The following DKKL1 variants were observed in gnomAD, a reference collection of about 807,000 sequenced individuals.
DKKL1 encodes dickkopf-like protein 1.
In DKKL1, 11 loss-of-function variants were observed where a neutral mutation model predicts 16.5. That is an observed-to-expected ratio of 0.67 (90% CI 0.42 to 1.10). DKKL1 has a LOEUF of 1.10. DKKL1 is among the 50% of genes least tolerant of loss of function. The probability of loss-of-function intolerance (pLI) is 0.00; values close to 1 mark genes in which losing one functional copy is unlikely to be tolerated. For synonymous variants in DKKL1, 119 were observed against 133.2 expected, an observed-to-expected ratio of 0.89 and a Z score of 0.73; for missense variants, 320 against 308.1, an observed-to-expected ratio of 1.04 and a Z score of -0.29.
intron 4 of DKKL1, among the ~76,000 whole-genome samples, chr19:49,374,145 C>T (rs897688498): frequency 1.1e-4 from 16 of 152,004 alleles, no homozygotes; most frequent in Non-Finnish European, 2.1e-4. Context: ...CAACCATGCC[C>T]GGCTAAATTT....
chr19:49,360,752 GGGAGGGGGA>G (rs1972798305), upstream of DKKL1, among the ~76,000 whole-genome samples: 1 of 85,236 alleles, frequency 1.2e-5, no homozygotes, highest in Non-Finnish European at 2.7e-5. Context: ...GACCCAGAGA[GGGAGGGGGA>G]CAGAGACCCA....
At chr19:49,369,598 C>T (rs575454780) in intron 4 of DKKL1, 14 of 152,284 alleles carry the variant, frequency 9.2e-5, no homozygotes, top group African/African-American at 3.1e-4. Context: ...GCCTGTGGCA[C>T]CATGGCTTGC....
At chr19:49,362,742 C>T (rs1973043751), upstream of DKKL1, among the ~76,000 whole-genome samples, 1 of 149,868 alleles carries the variant, frequency 6.7e-6, no homozygotes, top group South Asian at 2.1e-4. Context: ...GGAGAGGAAG[C>T]GGCTGGAGAG....
Position 49,364,525 on chromosome 19 carries a change from C to T in DKKL1, c.11-57C>T, listed in dbSNP as rs562607286. 8.1e-6 allele frequency: 12 copies of T among 1,486,698 alleles called. 1 individual carries two copies. Among genetic ancestry groups the T allele is most frequent in the South Asian group, 2.6e-5 (2 of 77,328 alleles). 92.1% of individuals were successfully genotyped at this position (1,486,698 alleles called of 1,614,324 possible). On this transcript the variant is annotated intron_variant, in intron 1 of 4. Coordinates refer to ENST00000221498, the MANE Select transcript of DKKL1 (RefSeq NM_014419.4). Reference sequence around the variant, plus strand: ...ACCTGGGCAAGGTGCTGGAGAGGGGCGTCTTGGGTGGGGGCGTGGCCACTG... The same window carrying T: ...ACCTGGGCAAGGTGCTGGAGAGGGGTGTCTTGGGTGGGGGCGTGGCCACTG...
rs1382519403 is a variant in DKKL1 at position 49,365,587 on chromosome 19, G to A, written c.262G>A (p.Glu88Lys). Residue 88 changes from glutamate (E) to lysine (K), a missense_variant, in exon 3 of 5, where the codon GAG (glutamate) becomes AAG (lysine). Glu to Lys is a moderately conservative substitution (Grantham distance 56). Coordinates refer to ENST00000221498, the MANE Select transcript of DKKL1 (RefSeq NM_014419.4). The stretch of plus-strand genomic sequence containing the variant: ...GGGCCTCCCTGGGAACTACCACAAA[G>A]AGGAGAACCAGGAGCACCAGCTGGG... ...FRGLPGNYHK[E>K]ENQEHQLGNN... 1.9e-6 allele frequency: 3 copies of A among 1,614,020 alleles called. No homozygotes were observed. The Admixed American group carries it at 5.0e-5, about 27-fold the overall frequency.
At chr19:49,363,605 C>G, upstream of DKKL1, 1 of 336,840 alleles carries the variant, frequency 3.0e-6, no homozygotes, top group South Asian at 2.4e-5. Context: ...GGGCCGCAAT[C>G]AGAGAACACC....
chr19:49,365,601 G>T lies in DKKL1; in HGVS notation c.276G>T (p.Glu92Asp), dbSNP rs772888564. 11 of 1,613,912 alleles carry T rather than the reference G, an allele frequency of 6.8e-6. No individual in the cohort carries two copies. The East Asian group carries it at 2.0e-4, about 29-fold the overall frequency. The part of the protein sequence containing the change: ...PGNYHKEENQ[E>D]HQLGNNTLSS... ...ACTACCACAAAGAGGAGAACCAGGA[G>T]CACCAGCTGGGGAACAACACCCTCT... Residue 92 changes from glutamate (E) to aspartate (D), a missense_variant, in exon 3 of 5, where the codon GAG (glutamate) becomes GAT (aspartate). Physicochemically the swap from Glu to Asp is conservative, Grantham distance 45. Transcript: ENST00000221498.
At chr19:49,368,655 TA>T (rs1428436132) in intron 4 of DKKL1, 1 of 152,172 alleles carries the variant, frequency 6.6e-6, no homozygotes, top group Non-Finnish European at 1.5e-5. Flanking sequence ...TTGTGGAAAG[TA>T]AAAAAGTTTC....
chr19:49,372,083 T>G (rs955590896), intron 4 of DKKL1, among the ~76,000 whole-genome samples: 3 of 152,198 alleles, frequency 2.0e-5, no homozygotes, highest in Non-Finnish European at 4.4e-5. Flanking sequence ...TAAACATGCA[T>G]GTGCCTGTGT....
chr19:49,365,573 G>C lies in DKKL1; in HGVS notation c.248G>C (p.Gly83Ala). The part of the protein sequence containing the change: ...SAPMDFRGLP[G>A]NYHKEENQEH... ...CCCATGGACTTCCGGGGCCTCCCTG[G>C]GAACTACCACAAAGAGGAGAACCAG... The change falls in exon 3 of 5, where the codon GGG becomes GCG. Residue 83 changes from glycine (G) to alanine (A), a missense_variant. Physicochemically the swap from Gly to Ala is moderately conservative, Grantham distance 60 (BLOSUM62 0). Coordinates refer to ENST00000221498, the MANE Select transcript of DKKL1 (RefSeq NM_014419.4). 2 of 1,613,882 alleles carry C rather than the reference G, an allele frequency of 1.2e-6. No individual in the cohort carries two copies. Among genetic ancestry groups the C allele is most frequent in the Non-Finnish European group, 8.5e-7 (1 of 1,179,924 alleles).
upstream of DKKL1, among the ~76,000 whole-genome samples, chr19:49,362,909 T>C (rs1318876379): frequency 6.7e-6 from 1 of 148,656 alleles, no homozygotes; most frequent in African/African-American, 2.5e-5. Context: ...GTTTGGTTTT[T>C]GGTTTTTTTG....
chr19:49,366,897 G>A lies in DKKL1; in HGVS notation c.417+1012G>A, dbSNP rs535365165. Among the ~76,000 whole-genome samples the A allele has an allele frequency of 5.3e-5, 8 of 151,932 alleles. No individual in the cohort carries two copies. In the South Asian group the frequency reaches 8.4e-4, roughly 16 times the overall value. ...TAATTTTTCTATTTTTAGTAGAGAC[G>A]GGGTTTCGCCATGTTTCCCAGGCTG... On this transcript the variant is annotated intron_variant, in intron 4 of 4. Coordinates refer to ENST00000221498, the MANE Select transcript of DKKL1 (RefSeq NM_014419.4).
At chr19:49,368,352 T>C (rs1416288027) in intron 4 of DKKL1, among the ~76,000 whole-genome samples, 4 of 148,200 alleles carry the variant, frequency 2.7e-5, no homozygotes, top group Non-Finnish European at 5.9e-5. Context: ...CCAGGTGTGG[T>C]GGTGTGTGCT....
chr19:49,372,182 G>C (rs2146796993), intron 4 of DKKL1, among the ~76,000 whole-genome samples: 1 of 152,300 alleles, frequency 6.6e-6, no homozygotes, highest in East Asian at 1.9e-4. Flanking sequence ...TCATTGGCAT[G>C]TGGGGCTGGA....
Position 49,369,168 on chromosome 19 carries a change from G to A in DKKL1, c.417+3283G>A, listed in dbSNP as rs182477560. On this transcript the variant is annotated intron_variant, in intron 4 of 4. Coordinates refer to ENST00000221498, the MANE Select transcript of DKKL1 (RefSeq NM_014419.4). ...CACCCTTTCTACAGAAAGTAAAATT[G>A]CCTTGCTGAGAAAACTTTTTGTCTG... 6 of 152,128 alleles carry A rather than the reference G, an allele frequency of 3.9e-5. No individual in the cohort carries two copies. The East Asian group carries it at 1.2e-3, about 29-fold the overall frequency. The allele number at this position is 152,128 out of a possible 1,614,324, so 9.4% of individuals were successfully genotyped here.
chr19:49,373,251 C>T (rs1392607315), intron 4 of DKKL1, among the ~76,000 whole-genome samples: 6 of 147,348 alleles, frequency 4.1e-5, no homozygotes, highest in South Asian at 2.2e-4. Context: ...TGCAGTGAGC[C>T]GAGATTGTGC....
rs990168190 is a variant in DKKL1 at position 49,372,280 on chromosome 19, G to C, written c.418-2437G>C. 7.8e-4 allele frequency among the ~76,000 whole-genome samples: 119 copies of C among 152,286 alleles called. 1 individual carries two copies. The highest frequency in any genetic ancestry group is 2.5e-3 in the East Asian group (13 of 5,188). On this transcript the variant is annotated intron_variant, in intron 4 of 4. Transcript: ENST00000221498. Reference sequence around the variant, plus strand: ...ATCCACTAGAGAGAAGTTGCCTCCTGCCAGGCACAGTGGCTCATACCCGTA... The same window carrying C: ...ATCCACTAGAGAGAAGTTGCCTCCTCCCAGGCACAGTGGCTCATACCCGTA...
intron 4 of DKKL1, chr19:49,370,746 A>G (rs1311929836): frequency 6.6e-6 from 1 of 152,196 alleles, no homozygotes; most frequent in Non-Finnish European, 1.5e-5. Flanking sequence ...AGGAGGCCCC[A>G]TGTAATGTGA....
At chr19:49,363,867 G>A (rs2146755198), upstream of DKKL1, 1 of 1,335,230 alleles carries the variant, frequency 7.5e-7, no homozygotes, top group Non-Finnish European at 1.0e-6. Context: ...CGCAACCAAC[G>A]CTCTAGACCA....
Sources: gnomAD v4.1 joint callset for allele counts (sites outside exome capture counted in the v4.1 genomes callset) on GRCh38, gnomAD v4.1.1 for gene constraint, MANE v1.5 for transcripts, NCBI Gene and HGNC (gene_info 2026-07-23, HGNC 2026-07-21) for gene names.